NRXN3: variants seen among roughly 807,000 people sequenced by gnomAD.
NRXN3 encodes neurexin 3.
NRXN3 carries 32 observed loss-of-function variants against 137.6 expected under a neutral mutation model. The observed-to-expected ratio is 0.23, with a 90% CI of 0.18 to 0.31. NRXN3 has a LOEUF of 0.31. Among genes scored for constraint, NRXN3 ranks in the 10% least tolerant of loss-of-function variants. The pLI is 1.00. For missense variants in NRXN3, 1,574 were observed against 2,062.5 expected, an observed-to-expected ratio of 0.76 and a Z score of 4.59; for synonymous variants, 798 against 784.5, an observed-to-expected ratio of 1.02 and a Z score of -0.29.
At chr14:78,641,616 G>A (rs916233221) in intron 4 of NRXN3, among the ~76,000 whole-genome samples, 2 of 152,182 alleles carry the variant, frequency 1.3e-5, no homozygotes, top group Non-Finnish European at 2.9e-5. Context: ...GTTGTCTATT[G>A]TTTGTTGACC....
chr14:79,059,063 T>C (rs1311940405), intron 15 of NRXN3, among the ~76,000 whole-genome samples: 2 of 152,120 alleles, frequency 1.3e-5, no homozygotes, highest in Non-Finnish European at 2.9e-5. Context: ...GTCCTGTATA[T>C]ACCTGTCTCT....
At chr14:79,130,968 C>T (rs1211614050) in intron 15 of NRXN3, among the ~76,000 whole-genome samples, 1 of 152,212 alleles carries the variant, frequency 6.6e-6, no homozygotes, top group African/African-American at 2.4e-5. Context: ...CAGTTGATCG[C>T]ATCGGCTCCT....
chr14:79,025,595 T>C (rs1568028478), intron 15 of NRXN3, among the ~76,000 whole-genome samples: 1 of 152,188 alleles, frequency 6.6e-6, no homozygotes, highest in Non-Finnish European at 1.5e-5. Flanking sequence ...TCTCCTGGCA[T>C]ATTGATCTTT....
At chr14:78,263,666 AGTT>A (rs1180539979) in intron 2 of NRXN3, among the ~76,000 whole-genome samples, 1 of 152,148 alleles carries the variant, frequency 6.6e-6, no homozygotes, top group East Asian at 1.9e-4. Context: ...TTCATCAATC[AGTT>A]ATTTTTCGTG....
chr14:78,614,288 T>A (rs1450805034), intron 4 of NRXN3, among the ~76,000 whole-genome samples: 1 of 152,168 alleles, frequency 6.6e-6, no homozygotes, highest in Non-Finnish European at 1.5e-5. Context: ...CAGTAGGGCA[T>A]GTATTGATCT....
At chr14:78,469,900 G>A (rs779384661) in intron 4 of NRXN3, among the ~76,000 whole-genome samples, 115 of 152,292 alleles carry the variant, frequency 7.6e-4, no homozygotes, top group Non-Finnish European at 1.5e-3. Flanking sequence ...TGTCCCGTTA[G>A]TCTGAGCTTT....
chr14:79,425,781 TCTAAGATAGAAACACGGTCTGTC>T (rs2153541106), intron 15 of NRXN3, among the ~76,000 whole-genome samples: 1 of 152,252 alleles, frequency 6.6e-6, no homozygotes, highest in Non-Finnish European at 1.5e-5. Flanking sequence ...AGATTGGGAC[TCTAAGATAGAAACACGGTCTGTC>T]CAGAGTCACA....
intron 1 of NRXN3, among the ~76,000 whole-genome samples, chr14:78,224,445 T>C (rs966467462): frequency 6.6e-6 from 1 of 151,834 alleles, no homozygotes; most frequent in African/African-American, 2.4e-5. Context: ...CCCACAACAG[T>C]CCCCAGAGTG....
intron 19 of NRXN3, among the ~76,000 whole-genome samples, chr14:79,704,732 C>G (rs61993167): frequency 0.017 from 2,627 of 152,216 alleles, 42 homozygotes; most frequent in Non-Finnish European, 0.025. Flanking sequence ...CTTACCCTTA[C>G]GCAGGTACTT....
intron 6 of NRXN3, among the ~76,000 whole-genome samples, chr14:78,657,998 G>A (rs554820592): frequency 9.2e-5 from 14 of 151,946 alleles, no homozygotes; most frequent in Admixed American, 1.3e-4. Context: ...TCTCCGTTCC[G>A]TTTTTCTCTA....
At chr14:79,215,846 A>G (rs2068415187) in intron 15 of NRXN3, among the ~76,000 whole-genome samples, 1 of 152,214 alleles carries the variant, frequency 6.6e-6, no homozygotes, top group Non-Finnish European at 1.5e-5. Flanking sequence ...AAGTAGAAAC[A>G]ATAAAAAAAC....
At chr14:78,324,970 T>C (rs1220596398) in intron 4 of NRXN3, among the ~76,000 whole-genome samples, 1 of 151,692 alleles carries the variant, frequency 6.6e-6, no homozygotes, top group Non-Finnish European at 1.5e-5. Context: ...TGATGCTAAA[T>C]TGGGAGGTGT....
At position 79,008,915 on chromosome 14, in the gene NRXN3, C is replaced by G. The variant is rs368299359; in HGVS notation, c.3262+20774C>G. Among the ~76,000 whole-genome samples, 22 of 152,148 alleles carry G rather than the reference C, an allele frequency of 1.4e-4. 1 individual carries two copies. Among genetic ancestry groups the G allele is most frequent in the African/African-American group, 2.6e-4 (11 of 41,514 alleles). On this transcript the variant is annotated intron_variant, in intron 15 of 20. Transcript: ENST00000335750. ...CTCATGATCCACCCGCCTTGGCCTC[C>G]CAAAGTGCTAGGATTAAAGACGTGA... is the stretch of plus-strand genomic sequence containing the variant.
intron 14 of NRXN3, among the ~76,000 whole-genome samples, chr14:78,970,521 G>C (rs1037957151): frequency 6.6e-6 from 1 of 152,044 alleles, no homozygotes; most frequent in African/African-American, 2.4e-5. Flanking sequence ...TGTATTGGTA[G>C]TACAGGTATA....
intron 4 of NRXN3, among the ~76,000 whole-genome samples, chr14:78,438,754 AAG>A: frequency 6.6e-6 from 1 of 152,146 alleles, no homozygotes; most frequent in Non-Finnish European, 1.5e-5. Context: ...GAGCTAGTGA[AAG>A]AGGCATAGGA....
In NRXN3 at chr14:78,930,669, C is replaced by T. The variant is rs117213931; in HGVS notation, c.2276-26573C>T. ...AAGGTGGCTTTACAGATGAGGAACC[C>T]GAAACTCAAAGAATGTATGTCAATT... On this transcript the variant is annotated intron_variant, in intron 10 of 20. Transcript: ENST00000335750. Among the ~76,000 whole-genome samples, 207 of 152,176 alleles carry T rather than the reference C, an allele frequency of 1.4e-3. 1 individual carries two copies. In the East Asian group the frequency reaches 0.015, roughly 11 times the overall value.
rs190702580 is a variant in NRXN3, at chr14:79,271,190, A to T, written c.3263-196031A>T. Among the ~76,000 whole-genome samples, 77 of 152,340 alleles carry T rather than the reference A, an allele frequency of 5.1e-4. 3 individuals carry two copies. Among genetic ancestry groups the T allele is most frequent in the Admixed American group, 4.8e-3 (73 of 15,302 alleles). ...GTCTCTTAAATTGGATCTCATGAGT[A>T]CTTTAGTATCTGAAAAGTAACTACA... is the stretch of plus-strand genomic sequence containing the variant. On this transcript the variant is annotated intron_variant, in intron 15 of 20. Coordinates refer to ENST00000335750, the MANE Select transcript of NRXN3 (RefSeq NM_001330195.2).
chr14:79,546,234 G>A lies in NRXN3; in HGVS notation c.3444+78832G>A, dbSNP rs2097318772. 2.6e-5 allele frequency among the ~76,000 whole-genome samples: 4 copies of A among 152,180 alleles called. No homozygotes were observed. In the South Asian group the frequency reaches 8.3e-4, roughly 32 times the overall value. On this transcript the variant is annotated intron_variant, in intron 16 of 20. Transcript: ENST00000335750. ...TAATATATAGATGTAATAACTTTTTGCAAGTTATGCAATTTTGGGCCATAG... is the reference window on the plus strand; with the variant it reads ...TAATATATAGATGTAATAACTTTTTACAAGTTATGCAATTTTGGGCCATAG...
At chr14:79,387,666 G>T (rs2094680729) in intron 15 of NRXN3, among the ~76,000 whole-genome samples, 2 of 151,274 alleles carry the variant, frequency 1.3e-5, no homozygotes, top group African/African-American at 2.4e-5. Context: ...ATATTTTATT[G>T]CAGCACTATT....
Sources: allele counts gnomAD v4.1 joint callset (sites outside exome capture counted in the v4.1 genomes callset), GRCh38; gene constraint gnomAD v4.1.1; transcripts MANE v1.5; gene names NCBI Gene and HGNC (gene_info 2026-07-23, HGNC 2026-07-21).